Variants in WWOX observed in about 807,000 individuals in gnomAD.
WWOX encodes WW domain containing oxidoreductase, also known as WW domain-containing oxidoreductase.
Under a neutral mutation model 46.2 loss-of-function variants are expected in WWOX, and 69 were observed. The ratio of observed to expected loss-of-function variants is 1.49; its 90% confidence interval spans 1.23 to 1.82. The LOEUF (loss-of-function observed/expected upper bound fraction) is 1.82. WWOX is among the 40% of genes most tolerant of loss of function. The pLI is 0.00. For synonymous variants in WWOX, 359 were observed against 202.6 expected (o/e 1.77, Z -6.56); for missense variants, 919 against 542.6 (o/e 1.69, Z -6.89).
intron 8 of WWOX, among the ~76,000 whole-genome samples, chr16:78,770,269 T>A (rs1011135652): frequency 2.0e-5 from 3 of 152,072 alleles, no homozygotes; most frequent in African/African-American, 7.2e-5. Flanking sequence ...GAGAATCACT[T>A]GAATCCGGGA....
At chr16:79,068,375 G>C (rs2048480831) in intron 8 of WWOX, among the ~76,000 whole-genome samples, 4 of 152,154 alleles carry the variant, frequency 2.6e-5, no homozygotes, top group Admixed American at 2.6e-4. Context: ...TCAGTGGTAA[G>C]GTGCAGTCAG....
chr16:78,410,576 G>A (rs72797955), intron 6 of WWOX, among the ~76,000 whole-genome samples: 1,682 of 152,100 alleles, frequency 0.011, 19 homozygotes, highest in Non-Finnish European at 0.019. Context: ...TTGGGAGGTC[G>A]AGGTGAGTGG....
chr16:78,965,894 G>A (rs990075488), intron 8 of WWOX, among the ~76,000 whole-genome samples: 2 of 152,130 alleles, frequency 1.3e-5, no homozygotes, highest in Non-Finnish European at 2.9e-5. Context: ...CAGTATTGCC[G>A]TGGTTTATAC....
At chr16:78,675,328 A>C (rs2047567664) in intron 8 of WWOX, among the ~76,000 whole-genome samples, 1 of 152,210 alleles carries the variant, frequency 6.6e-6, no homozygotes, top group African/African-American at 2.4e-5. Context: ...AGTAAGATTA[A>C]TGTAAAGATT....
In WWOX at chr16:78,869,724, A is replaced by G. The variant is rs750729682; in HGVS notation, c.1057-341884A>G. ...TGATTTAGATGAGCAAGAGCTGCTG[A>G]GTTGTAGATTTCTAGTTTCTAAACA... On this transcript the variant is annotated intron_variant, in intron 8 of 8. Coordinates refer to ENST00000566780, the MANE Select transcript of WWOX (RefSeq NM_016373.4). Among the ~76,000 whole-genome samples, 6 of 152,222 alleles carry G rather than the reference A, an allele frequency of 3.9e-5. No homozygotes were observed. In the South Asian group the frequency reaches 1.2e-3, roughly 32 times the overall value.
At chr16:79,211,213 G>T (rs541713425) in intron 8 of WWOX, among the ~76,000 whole-genome samples, 3 of 152,146 alleles carry the variant, frequency 2.0e-5, no homozygotes, top group Non-Finnish European at 4.4e-5. Context: ...TTCTACAAAC[G>T]ATTTGGTATC....
At chr16:78,422,746 TACACATATATACACATATATATACACAC>T (rs2082970635) in intron 6 of WWOX, among the ~76,000 whole-genome samples, 6 of 103,610 alleles carry the variant, frequency 5.8e-5, no homozygotes, top group African/African-American at 4.4e-4. Flanking sequence ...CACATATATA[TACACATATATACACATATATATACACAC>T]ATATATATAT....
intron 8 of WWOX, among the ~76,000 whole-genome samples, chr16:78,545,514 G>C (rs546296572): frequency 6.6e-6 from 1 of 152,204 alleles, no homozygotes; most frequent in South Asian, 2.1e-4. Context: ...AACCATGTCT[G>C]GCTTAAATCC....
intron 6 of WWOX, among the ~76,000 whole-genome samples, chr16:78,396,705 C>G (rs2082295832): frequency 6.6e-6 from 1 of 152,224 alleles, no homozygotes; most frequent in South Asian, 2.1e-4. Context: ...AGTTTTTCTG[C>G]AAAGAATCAG....
At position 79,068,916 on chromosome 16, in the gene WWOX, C is replaced by T. The variant is rs182636688; in HGVS notation, c.1057-142692C>T. ...GAATGCCGAAAGTGGTTCCTTGGGT[C>T]TGATGCCCACGCTTAACCGATTCCC... is the stretch of plus-strand genomic sequence containing the variant. On this transcript the variant is annotated intron_variant, in intron 8 of 8. Transcript: ENST00000566780. Among the ~76,000 whole-genome samples the T allele has an allele frequency of 2.6e-3, 398 of 151,948 alleles. 3 individuals carry two copies. Among genetic ancestry groups the T allele is most frequent in the African/African-American group, 9.4e-3 (390 of 41,482 alleles).
At chr16:78,584,962 G>C (rs895729811) in intron 8 of WWOX, among the ~76,000 whole-genome samples, 2 of 152,246 alleles carry the variant, frequency 1.3e-5, no homozygotes, top group African/African-American at 4.8e-5. Context: ...CCCAACAACT[G>C]AGGTGCCTGA....
At chr16:78,538,218 C>CAAAA (rs67413792) in intron 8 of WWOX, among the ~76,000 whole-genome samples, 4 of 60,062 alleles carry the variant, frequency 6.7e-5, no homozygotes, top group Admixed American at 4.9e-4. Flanking sequence ...TCACTCACAC[C>CAAAA]AAAAAAAAAA....
At chr16:79,080,360 C>T (rs1450574638) in intron 8 of WWOX, among the ~76,000 whole-genome samples, 4 of 152,272 alleles carry the variant, frequency 2.6e-5, no homozygotes, top group East Asian at 1.9e-4. Flanking sequence ...CTGTGCACGT[C>T]GCAGAAGATC....
chr16:78,256,942 CAA>C (rs2038148055), intron 5 of WWOX, among the ~76,000 whole-genome samples: 1 of 152,032 alleles, frequency 6.6e-6, no homozygotes, highest in Non-Finnish European at 1.5e-5. Flanking sequence ...CACTGTGAGT[CAA>C]AGAGTCAGAC....
intron 8 of WWOX, among the ~76,000 whole-genome samples, chr16:78,936,681 C>A (rs553143839): frequency 3.3e-5 from 5 of 151,810 alleles, no homozygotes; most frequent in African/African-American, 9.7e-5. Flanking sequence ...AGCAACGTAC[C>A]CTAGGTAAGG....
intron 8 of WWOX, among the ~76,000 whole-genome samples, chr16:78,623,343 A>G (rs562559826): frequency 5.9e-5 from 9 of 152,302 alleles, no homozygotes; most frequent in African/African-American, 1.9e-4. Flanking sequence ...GTTACTCACC[A>G]GGTTTCAGAG....
intron 8 of WWOX, among the ~76,000 whole-genome samples, chr16:78,786,737 A>T (rs751244509): frequency 6.6e-6 from 1 of 152,204 alleles, no homozygotes; most frequent in Non-Finnish European, 1.5e-5. Context: ...GTTTCCTTTA[A>T]AGAGCTTATC....
At chr16:78,692,569 C>T (rs997444428) in intron 8 of WWOX, among the ~76,000 whole-genome samples, 16 of 152,294 alleles carry the variant, frequency 1.1e-4, no homozygotes, top group East Asian at 1.9e-4. Flanking sequence ...GATTTATAGA[C>T]GTTCCTCTCT....
At chr16:78,782,071 T>C (rs553674873) in intron 8 of WWOX, among the ~76,000 whole-genome samples, 42 of 152,210 alleles carry the variant, frequency 2.8e-4, no homozygotes, top group Non-Finnish European at 6.2e-4. Context: ...AGGTGGCGGC[T>C]GCGGGGAGAA....
Sources: allele counts gnomAD v4.1 joint callset (sites outside exome capture counted in the v4.1 genomes callset), GRCh38; gene constraint gnomAD v4.1.1; transcripts MANE v1.5; gene names NCBI Gene and HGNC (gene_info 2026-07-23, HGNC 2026-07-21).